IL5RA: variants seen among roughly 807,000 people sequenced by gnomAD.
The protein encoded by IL5RA is interleukin-5 receptor subunit alpha.
In IL5RA, 49 loss-of-function variants were observed where a neutral mutation model predicts 50.0. That is an observed-to-expected ratio of 0.98 (90% CI 0.78 to 1.24). IL5RA has a LOEUF of 1.24. Ranked by LOEUF, IL5RA falls within the 50% of genes most tolerant of loss-of-function variation. The pLI is 0.00. For missense variants in IL5RA, 600 were observed against 500.4 expected (o/e 1.20, Z -1.90); for synonymous variants, 202 against 174.0 (o/e 1.16, Z -1.26).
intron 7 of IL5RA, among the ~76,000 whole-genome samples, 164 bp downstream of exon 7, chr3:3,097,706 G>A (rs1032733387): frequency 8.5e-5 from 13 of 152,160 alleles, no homozygotes; most frequent in African/African-American, 3.1e-4. Context: ...AAACTCACTG[G>A]TGGTGTTGGA....
intron 4 of IL5RA, among the ~76,000 whole-genome samples, chr3:3,102,411 G>A (rs1703693432): frequency 6.6e-6 from 1 of 152,134 alleles, no homozygotes; most frequent in South Asian, 2.1e-4. Flanking sequence ...CCCAATCCAT[G>A]GTGCCTAAAA....
chr3:3,109,620 A>C (rs1176745216), intron 1 of IL5RA, among the ~76,000 whole-genome samples: 1 of 152,168 alleles, frequency 6.6e-6, no homozygotes. Flanking sequence ...CATCTCACTT[A>C]CTGAGCCAAA....
In IL5RA at chr3:3,092,138, C is replaced by A. The variant is rs891434038; in HGVS notation, c.994+86G>T. 3.9e-6 allele frequency: 6 copies of A among 1,545,380 alleles called. No homozygotes were observed. The highest frequency in any genetic ancestry group is 5.2e-6 in the Non-Finnish European group (6 of 1,152,108). On this transcript the variant is annotated intron_variant, in intron 9 of 11. Transcript: ENST00000446632. The surrounding 1 kb of genome is among the most constrained non-coding windows in gnomAD (Gnocchi z 4.2). ...ATAGAGATATGAAACCATTTTAAGA[C>A]CCACGAGTGAACGGGTACGTTTCTG...
At chr3:3,075,717 C>T (rs1702454626) in intron 10 of IL5RA, among the ~76,000 whole-genome samples, 1 of 151,820 alleles carries the variant, frequency 6.6e-6, no homozygotes, top group Non-Finnish European at 1.5e-5. Context: ...TCTACTGCCT[C>T]AGCCTTCCAA....
rs545576267 is a variant in IL5RA, at chr3:3,102,785, C to T, written c.118G>A (p.Val40Ile). 7.5e-6 allele frequency: 12 copies of T among 1,610,732 alleles called. No homozygotes were observed. Among genetic ancestry groups the T allele is most frequent in the Non-Finnish European group, 1.0e-5 (12 of 1,178,576 alleles). Reference sequence around the variant, plus strand: ...AAAAGAACTTGAGCCAAACCAGTAACTTTAATGGTGAAATTGACAGGTGGG... The same window carrying T: ...AAAAGAACTTGAGCCAAACCAGTAATTTTAATGGTGAAATTGACAGGTGGG... ...LLPPVNFTIK[V>I]TGLAQVLLQW... Residue 40 changes from valine (V) to isoleucine (I), a missense_variant, in exon 4 of 12, where the codon GTT becomes ATT. Val to Ile is a conservative substitution (Grantham distance 29, BLOSUM62 3). Transcript: ENST00000446632.
At chr3:3,082,774 C>T (rs764990058) in intron 9 of IL5RA, among the ~76,000 whole-genome samples, 1 of 152,158 alleles carries the variant, frequency 6.6e-6, no homozygotes, top group Non-Finnish European at 1.5e-5. Flanking sequence ...GGGCTGCAGT[C>T]TCTCTTGATC....
Position 3,095,293 on chromosome 3 carries a change from A to G in IL5RA, c.855+6T>C, listed in dbSNP as rs767818504. The G allele has an allele frequency of 8.9e-6, 14 of 1,572,512 alleles. No homozygotes were observed. The Admixed American group carries it at 2.3e-4, about 26-fold the overall frequency. On this transcript the variant is annotated splice_donor_region_variant and intron_variant, in intron 8 of 11. Coordinates refer to ENST00000446632, the MANE Select transcript of IL5RA (RefSeq NM_175726.4). The stretch of plus-strand genomic sequence containing the variant: ...TATCAAATATTGGAATAATCTGAGT[A>G]ATTACCTGCAAATATCCATTCCTTG...
rs145682391 is a variant in IL5RA at position 3,101,720 on chromosome 3, C to T, written c.339G>A (p.Trp113Ter). ...GTGGGGCATGAAGTTCAGCAGAAGC[C>T]CAGCTGCTGGCCAGTAGTGAGTGGT... is the stretch of plus-strand genomic sequence containing the variant. The part of the protein sequence containing the change: ...QNDHSLLASS[W>*]ASAELHAPPG... The change falls in exon 5 of 12, where the codon TGG becomes TGA. Residue 113 changes from tryptophan to a stop codon, truncating the protein, a stop_gained. Transcript: ENST00000446632. LOFTEE classifies it high-confidence loss of function. 1.8e-4 allele frequency: 295 copies of T among 1,613,834 alleles called. 1 individual carries two copies. Among genetic ancestry groups the T allele is most frequent in the Non-Finnish European group, 2.4e-4 (285 of 1,179,962 alleles).
At chr3:3,085,637 C>G (rs1193710665) in intron 9 of IL5RA, among the ~76,000 whole-genome samples, 1 of 152,188 alleles carries the variant, frequency 6.6e-6, no homozygotes, top group East Asian at 1.9e-4. Context: ...ACAAAGGTAC[C>G]AAGTCACCTC....
At chr3:3,091,906 C>T (rs1443442952) in intron 9 of IL5RA, 2 of 848,448 alleles carry the variant, frequency 2.4e-6, no homozygotes, top group Non-Finnish European at 2.9e-6. Flanking sequence ...TTTCTTCCCA[C>T]AGCTTGTGAG....
chr3:3,085,198 A>G (rs1424753956), intron 9 of IL5RA, among the ~76,000 whole-genome samples: 1 of 152,220 alleles, frequency 6.6e-6, no homozygotes, highest in Admixed American at 6.5e-5. Flanking sequence ...GCAGAACCAC[A>G]ATAAGCTGTG....
Position 3,102,744 on chromosome 3 carries a change from A to G in IL5RA, c.159T>C (p.Asn53=), listed in dbSNP as rs1703715734. ...TAACATTCCTTTGCTCTTGATCAGG[A>G]TTTGGTTTCCATTGTAAAAGAACTT... ...LAQVLLQWKP[N]PDQEQRNVNL... is the part of the protein sequence containing the mutation. The change falls in exon 4 of 12, where the codon AAT becomes AAC. Residue 53 remains asparagine, a synonymous_variant. Transcript: ENST00000446632. 1 of 1,610,484 alleles carries G rather than the reference A, an allele frequency of 6.2e-7. No homozygotes were observed. Among genetic ancestry groups the G allele is most frequent in the South Asian group, 1.1e-5 (1 of 90,734 alleles).
intron 9 of IL5RA, chr3:3,090,291 A>G: frequency 7.0e-7 from 1 of 1,431,670 alleles, no homozygotes; most frequent in Non-Finnish European, 9.7e-7. Context: ...GTCTGGGGAT[A>G]CACAATCAAT....
chr3:3,102,111 A>G (rs750648761), intron 4 of IL5RA, among the ~76,000 whole-genome samples: 3 of 152,188 alleles, frequency 2.0e-5, no homozygotes, highest in Admixed American at 1.3e-4. Context: ...TCGGACAGAA[A>G]ATTCTCTAGA....
At position 3,070,275 on chromosome 3, in the gene IL5RA, A is replaced by G; in HGVS notation, c.1213T>C (p.Cys405Arg). The G allele has an allele frequency of 6.2e-7, 1 of 1,613,466 alleles. No individual in the cohort carries two copies. ...TCAACTCCAGGCTTCTCTATATAACAGATGACTTCAATTTCCGTCTCACTG... is the reference window on the plus strand; with the variant it reads ...TCAACTCCAGGCTTCTCTATATAACGGATGACTTCAATTTCCGTCTCACTG... ...GSSETEIEVI[C>R]YIEKPGVETL... The change falls in exon 12 of 12, where the codon TGT (cysteine) becomes CGT (arginine). Residue 405 changes from cysteine (C) to arginine (R), a missense_variant. Physicochemically the swap from Cys to Arg is radical, Grantham distance 180 (BLOSUM62 -3). Transcript: ENST00000446632.
Position 3,092,289 on chromosome 3 carries a change from G to A in IL5RA, c.929C>T (p.Ala310Val), listed in dbSNP as rs771690175. ...CTCTCTGCACATGGAGCTCACTGCT[G>A]CTCTCACTTGAACATCGTACTTAGA... is the stretch of plus-strand genomic sequence containing the variant. ...DLSKYDVQVR[A>V]AVSSMCREAG... The change falls in exon 9 of 12, where the codon GCA (alanine) becomes GTA (valine). Residue 310 changes from alanine to valine, a missense_variant. Physicochemically the swap from Ala to Val is moderately conservative, Grantham distance 64. Transcript: ENST00000446632. The surrounding 1 kb of genome is among the most constrained non-coding windows in gnomAD (Gnocchi z 4.2). 1.4e-5 allele frequency: 22 copies of A among 1,613,920 alleles called. No individual in the cohort carries two copies. In the East Asian group the frequency reaches 4.7e-4, roughly 34 times the overall value.
intron 9 of IL5RA, among the ~76,000 whole-genome samples, chr3:3,090,437 T>C (rs1429128817): frequency 6.6e-6 from 1 of 152,160 alleles, no homozygotes; most frequent in Non-Finnish European, 1.5e-5. Context: ...TGGTTTATCA[T>C]ACACATGAGA....
chr3:3,097,398 G>A (rs1334558590), intron 7 of IL5RA, among the ~76,000 whole-genome samples: 1 of 152,108 alleles, frequency 6.6e-6, no homozygotes. Flanking sequence ...AATCACCTGG[G>A]GTGGCACTAG....
chr3:3,079,252 C>T lies in IL5RA; in HGVS notation c.995-2625G>A, dbSNP rs1180162006. On this transcript the variant is annotated intron_variant, in intron 9 of 11. Transcript: ENST00000446632. ...CTGACACTCAGCTCCAGGCCTGGAT[C>T]TTAAACTGTCCGTAGGTAAAACCTG... Among the ~76,000 whole-genome samples, 5 of 152,202 alleles carry T rather than the reference C, an allele frequency of 3.3e-5. No homozygotes were observed. The East Asian group carries it at 9.6e-4, about 29-fold the overall frequency.
Sources: gnomAD v4.1 joint callset for allele counts (sites outside exome capture counted in the v4.1 genomes callset) on GRCh38, gnomAD v4.1.1 for gene constraint, Gnocchi (gnomAD v3.1) non-coding constraint, MANE v1.5 for transcripts, NCBI Gene and HGNC (gene_info 2026-07-23, HGNC 2026-07-21) for gene names.